Variants in FRAS1 observed in about 807,000 individuals in gnomAD.
The protein encoded by FRAS1 is Fraser extracellular matrix complex subunit 1.
FRAS1 carries 290 observed loss-of-function variants against 435.2 expected under a neutral mutation model. The observed-to-expected ratio is 0.67, with a 90% CI of 0.61 to 0.73. The LOEUF (loss-of-function observed/expected upper bound fraction) is 0.73. Among genes scored for constraint, FRAS1 ranks in the 30% least tolerant of loss-of-function variants. FRAS1 has a pLI of 0.00. For missense variants in FRAS1, 4,860 were observed against 5,001.5 expected, an observed-to-expected ratio of 0.97 and a Z score of 0.85; for synonymous variants, 1,800 against 1,851.0, an observed-to-expected ratio of 0.97 and a Z score of 0.71.
intron 2 of FRAS1, among the ~76,000 whole-genome samples, chr4:78,166,024 G>A (rs1329471292): frequency 1.3e-5 from 2 of 152,130 alleles, no homozygotes; most frequent in Admixed American, 1.3e-4. Context: ...ATTGCAGCAT[G>A]TTTTACAGTT....
At chr4:78,457,249 A>G (rs1400015941) in intron 47 of FRAS1, among the ~76,000 whole-genome samples, 3 of 152,168 alleles carry the variant, frequency 2.0e-5, no homozygotes, top group Admixed American at 6.5e-5. Flanking sequence ...GCTGAACCAG[A>G]GCCCGAAATA....
rs754696966 is a variant in FRAS1, at chr4:78,511,256, A to AT, written c.9781-12dup. On this transcript the variant is annotated splice_polypyrimidine_tract_variant and intron_variant, in intron 63 of 73. Transcript: ENST00000512123. Reference sequence around the variant, plus strand: ...AAGTAGGGTACTCACATTGGAGGTGATTTTTTCTTCCTGTTAGGTCCTGGA... The same window carrying AT: ...AAGTAGGGTACTCACATTGGAGGTGATTTTTTTCTTCCTGTTAGGTCCTGGA... 6 of 1,557,114 alleles carry AT rather than the reference A, an allele frequency of 3.9e-6. No homozygotes were observed. Among genetic ancestry groups the AT allele is most frequent in the South Asian group, 1.2e-5 (1 of 82,858 alleles).
intron 3 of FRAS1, among the ~76,000 whole-genome samples, chr4:78,243,374 G>A (rs1364203146): frequency 2.0e-5 from 3 of 152,030 alleles, no homozygotes; most frequent in Admixed American, 6.6e-5. Context: ...CTTGCCCCCA[G>A]CGATCTTCAC....
chr4:78,153,304 C>G (rs1431331024), intron 2 of FRAS1, among the ~76,000 whole-genome samples: 1 of 152,044 alleles, frequency 6.6e-6, no homozygotes, highest in Admixed American at 6.6e-5. Context: ...ATACATGTAC[C>G]TCTTTGAAAT....
At chr4:78,494,008 TG>T (rs1258682514) in intron 59 of FRAS1, among the ~76,000 whole-genome samples, 1 of 152,078 alleles carries the variant, frequency 6.6e-6, no homozygotes, top group Non-Finnish European at 1.5e-5. Flanking sequence ...CTCTTATGTT[TG>T]TTTTTTTTTA....
chr4:78,215,388 G>T (rs1453620716), intron 2 of FRAS1, among the ~76,000 whole-genome samples: 1 of 152,098 alleles, frequency 6.6e-6, no homozygotes, highest in Non-Finnish European at 1.5e-5. Context: ...TAGAGATGGG[G>T]TTTTACCATG....
At chr4:78,123,902 T>A (rs991198412) in intron 2 of FRAS1, among the ~76,000 whole-genome samples, 11 of 152,232 alleles carry the variant, frequency 7.2e-5, no homozygotes, top group African/African-American at 2.7e-4. Flanking sequence ...TTTTTAAACA[T>A]ACAATCAAGT....
At chr4:78,297,341 C>T (rs924230380) in intron 14 of FRAS1, among the ~76,000 whole-genome samples, 1 of 152,136 alleles carries the variant, frequency 6.6e-6, no homozygotes, top group South Asian at 2.1e-4. Context: ...AAATGGGTGT[C>T]GGTGTCCACT....
intron 2 of FRAS1, among the ~76,000 whole-genome samples, chr4:78,155,494 A>G (rs1720846841): frequency 6.6e-6 from 1 of 152,248 alleles, no homozygotes; most frequent in Non-Finnish European, 1.5e-5. Flanking sequence ...CATTACAGCT[A>G]GAAAGCAAAG....
chr4:78,289,898 A>C (rs1727803590), intron 14 of FRAS1, among the ~76,000 whole-genome samples: 1 of 152,136 alleles, frequency 6.6e-6, no homozygotes, highest in South Asian at 2.1e-4. Flanking sequence ...CTTGCCTTGG[A>C]TTTACTCTGT....
rs563929109 is a variant in FRAS1, at chr4:78,542,017, C to G, written c.*893C>G. Reference sequence around the variant, plus strand: ...AAACCCACCACACTTTCCTCCTACTCCGGTCTTTGCCCGTTCCTGTAACAG... The same window carrying G: ...AAACCCACCACACTTTCCTCCTACTGCGGTCTTTGCCCGTTCCTGTAACAG... On this transcript the variant is annotated 3_prime_UTR_variant, in exon 74 of 74. Coordinates refer to ENST00000512123, the MANE Select transcript of FRAS1 (RefSeq NM_025074.7). The G allele has an allele frequency of 6.6e-6, 1 of 152,356 alleles. No homozygotes were observed. Among genetic ancestry groups the G allele is most frequent in the East Asian group, 1.9e-4 (1 of 5,190 alleles). The allele number at this position is 152,356 out of a possible 1,614,324, so 9.4% of individuals were successfully genotyped here.
intron 60 of FRAS1, among the ~76,000 whole-genome samples, chr4:78,498,246 A>T (rs1187877827): frequency 6.6e-6 from 1 of 152,234 alleles, no homozygotes; most frequent in African/African-American, 2.4e-5. Flanking sequence ...GCAGTGGCTC[A>T]TGCCTGTAAT....
intron 2 of FRAS1, among the ~76,000 whole-genome samples, chr4:78,182,879 C>CAAA (rs1420628017): frequency 3.6e-5 from 1 of 27,966 alleles, no homozygotes; most frequent in South Asian, 1.1e-3. Flanking sequence ...GACCCTGTCT[C>CAAA]AAAAAAAAGA....
In FRAS1 at chr4:78,372,769, T is replaced by C. The variant is rs1285987495; in HGVS notation, c.2921T>C (p.Leu974Pro). ...ACSGPLKTDC[L>P]QCMDGYVLQD... Reference sequence around the variant, plus strand: ...AGTGGGCCCCTGAAAACAGACTGCCTGCAGTGCATGGATGGCTATGTTCTC... The same window carrying C: ...AGTGGGCCCCTGAAAACAGACTGCCCGCAGTGCATGGATGGCTATGTTCTC... Residue 974 changes from leucine (L) to proline (P), a missense_variant, in exon 24 of 74, where the codon CTG (leucine) becomes CCG (proline). Coordinates refer to ENST00000512123, the MANE Select transcript of FRAS1 (RefSeq NM_025074.7). 6.2e-7 allele frequency: 1 copy of C among 1,613,192 alleles called. No individual in the cohort carries two copies. The highest frequency in any genetic ancestry group is 1.1e-5 in the South Asian group (1 of 91,044).
At chr4:78,197,945 A>C (rs1269493998) in intron 2 of FRAS1, among the ~76,000 whole-genome samples, 1 of 152,006 alleles carries the variant, frequency 6.6e-6, no homozygotes, top group Non-Finnish European at 1.5e-5. Context: ...CCTCTCAAAA[A>C]AAAAAAAAGA....
intron 41 of FRAS1, among the ~76,000 whole-genome samples, chr4:78,443,633 A>G (rs1274717519): frequency 2.0e-5 from 3 of 152,238 alleles, no homozygotes; most frequent in Non-Finnish European, 4.4e-5. Flanking sequence ...ATCAACACCT[A>G]TTTAATTTGC....
chr4:78,279,821 A>G (rs1292486755), intron 10 of FRAS1, among the ~76,000 whole-genome samples: 2 of 152,214 alleles, frequency 1.3e-5, no homozygotes, highest in African/African-American at 2.4e-5. Flanking sequence ...ACCAGTCAGA[A>G]TAGGATTACA....
intron 56 of FRAS1, among the ~76,000 whole-genome samples, chr4:78,481,460 T>A (rs956507350): frequency 6.6e-6 from 1 of 152,222 alleles, no homozygotes; most frequent in African/African-American, 2.4e-5. Context: ...AGGCTTGAGA[T>A]GTTTTGCAAT....
chr4:78,424,074 C>T (rs1733905347), intron 34 of FRAS1, among the ~76,000 whole-genome samples: 2 of 152,124 alleles, frequency 1.3e-5, no homozygotes, highest in Admixed American at 6.5e-5. Context: ...TACGACTCAC[C>T]CGCATTCACC....
Sources: allele counts gnomAD v4.1 joint callset (sites outside exome capture counted in the v4.1 genomes callset), GRCh38; gene constraint gnomAD v4.1.1; transcripts MANE v1.5; gene names NCBI Gene and HGNC (gene_info 2026-07-23, HGNC 2026-07-21).